REDIC1: variants seen among roughly 807,000 people sequenced by gnomAD.
REDIC1 encodes the protein HEI10 Interacting Protein 1.
chr12:39,632,068 A>AG, the REDIC1 span, among the ~76,000 whole-genome samples: 1 of 139,358 alleles, frequency 7.2e-6, no homozygotes, highest in Admixed American at 7.2e-5. Flanking sequence ...TATATATATA[A>AG]TGTTAACTTG....
chr12:39,712,391 CCT>C, the REDIC1 span, among the ~76,000 whole-genome samples: 762 of 120,192 alleles, frequency 6.3e-3, 3 homozygotes, highest in African/African-American at 0.021. Flanking sequence ...TATATATATA[CCT>C]GTATGTATAT....
At chr12:39,711,871 A>ATATGTGTGTG in the REDIC1 span, among the ~76,000 whole-genome samples, 2 of 114,870 alleles carry the variant, frequency 1.7e-5, no homozygotes, top group African/African-American at 8.5e-5. Context: ...GTATACACGT[A>ATATGTGTGTG]TACACATGCA....
At chr12:39,807,756 T>C in the REDIC1 span, among the ~76,000 whole-genome samples, 2 of 152,166 alleles carry the variant, frequency 1.3e-5, no homozygotes, top group Non-Finnish European at 2.9e-5. Flanking sequence ...ATAATTATAA[T>C]AATGGAGAGT....
the REDIC1 span, among the ~76,000 whole-genome samples, chr12:39,647,205 A>T: frequency 6.6e-6 from 1 of 152,076 alleles, no homozygotes; most frequent in Non-Finnish European, 1.5e-5. Context: ...TGAGCAATTC[A>T]TCTGTTCAAA....
chr12:39,661,017 GTTTTGTAAATTTACCACA>G, the REDIC1 span, among the ~76,000 whole-genome samples: 7 of 151,978 alleles, frequency 4.6e-5, no homozygotes, highest in Non-Finnish European at 8.8e-5. Flanking sequence ...ATAGTATTCT[GTTTTGTAAATTTACCACA>G]TTTTGTTATC....
the REDIC1 span, among the ~76,000 whole-genome samples, chr12:39,670,417 C>T: frequency 1.3e-5 from 2 of 152,298 alleles, no homozygotes; most frequent in South Asian, 2.1e-4. Flanking sequence ...TCTTGAACTC[C>T]TGACCTCAGG....
At chr12:39,873,372 T>A in the REDIC1 span, among the ~76,000 whole-genome samples, 1 of 152,216 alleles carries the variant, frequency 6.6e-6, no homozygotes, top group South Asian at 2.1e-4. Context: ...TTCATTCCAT[T>A]TGTGCAGTGT....
chr12:39,631,186 G>A, the REDIC1 span, among the ~76,000 whole-genome samples: 5 of 152,074 alleles, frequency 3.3e-5, no homozygotes, highest in South Asian at 2.1e-4. Flanking sequence ...CACTGTGCCC[G>A]GCCTATTGAA....
chr12:39,643,802 A>G, the REDIC1 span: 2 of 1,547,168 alleles, frequency 1.3e-6, no homozygotes, highest in Non-Finnish European at 1.8e-6. Context: ...AACACAGGTT[A>G]AAATCAAAAA....
the REDIC1 span, among the ~76,000 whole-genome samples, chr12:39,675,468 C>G: frequency 4.6e-5 from 7 of 152,174 alleles, no homozygotes; most frequent in Non-Finnish European, 8.8e-5. Context: ...AGGTGGTGCT[C>G]TCTTGAAAGT....
At chr12:39,856,673 CT>C in the REDIC1 span, among the ~76,000 whole-genome samples, 2 of 151,992 alleles carry the variant, frequency 1.3e-5, no homozygotes, top group Non-Finnish European at 2.9e-5. Context: ...AGCCCCTATG[CT>C]TTGTTTTTAA....
chr12:39,880,897 C>A, the REDIC1 span, among the ~76,000 whole-genome samples: 1 of 152,194 alleles, frequency 6.6e-6, no homozygotes, highest in Non-Finnish European at 1.5e-5. Flanking sequence ...ACCAATTTGC[C>A]ACATTGACCT....
chr12:39,676,720 C>T, the REDIC1 span, among the ~76,000 whole-genome samples: 2 of 151,996 alleles, frequency 1.3e-5, no homozygotes. Flanking sequence ...CATCAGGTAA[C>T]CTACAAAGGA....
At chr12:39,634,439 A>G in the REDIC1 span, among the ~76,000 whole-genome samples, 1 of 152,172 alleles carries the variant, frequency 6.6e-6, no homozygotes, top group African/African-American at 2.4e-5. Context: ...AAACAGATAT[A>G]TAGACCAATG....
chr12:39,683,181 T>C, the REDIC1 span: 3 of 1,498,984 alleles, frequency 2.0e-6, no homozygotes, highest in Non-Finnish European at 2.7e-6. Flanking sequence ...ATATTCTTTT[T>C]TTCTTTCAGT....
the REDIC1 span, among the ~76,000 whole-genome samples, chr12:39,724,541 C>T: frequency 6.6e-5 from 10 of 152,142 alleles, no homozygotes; most frequent in African/African-American, 2.2e-4. Flanking sequence ...CCCAAACAAA[C>T]TATATGTACT....
At chr12:39,787,980 A>C in the REDIC1 span, among the ~76,000 whole-genome samples, 1 of 152,162 alleles carries the variant, frequency 6.6e-6, no homozygotes, top group African/African-American at 2.4e-5. Flanking sequence ...CTATCATAGA[A>C]ATTTGGCCAA....
At chr12:39,640,972 A>C in the REDIC1 span, 1 of 1,610,720 alleles carries the variant, frequency 6.2e-7, no homozygotes, top group East Asian at 2.2e-5. Context: ...GTTCTGATCA[A>C]GCAGGAAAGA....
At chr12:39,871,679 T>A in the REDIC1 span, 1 of 1,036,268 alleles carries the variant, frequency 9.7e-7, no homozygotes, top group South Asian at 2.9e-5. Context: ...CTCTAATTTT[T>A]TTGTTGTTTG....
Sources: allele counts gnomAD v4.1 joint callset (sites outside exome capture counted in the v4.1 genomes callset), GRCh38; gene constraint gnomAD v4.1.1; transcripts MANE v1.5; gene names NCBI Gene and HGNC (gene_info 2026-07-23, HGNC 2026-07-21).